Variants in SLC12A7 observed in about 807,000 individuals in gnomAD.
The protein encoded by SLC12A7 is solute carrier family 12 member 7, also known as K-Cl cotransporter 4.
A neutral mutation model predicts 120.6 loss-of-function variants in SLC12A7; 100 were observed. The observed-to-expected ratio is 0.83, with a 90% CI of 0.71 to 0.98. The LOEUF (loss-of-function observed/expected upper bound fraction) is 0.98. Among genes scored for constraint, SLC12A7 ranks in the 50% least tolerant of loss-of-function variants. SLC12A7 has a pLI of 0.00. For synonymous variants in SLC12A7, 760 were observed against 678.0 expected (o/e 1.12, Z -1.88); for missense variants, 1,373 against 1,548.1 (o/e 0.89, Z 1.90).
At chr5:1,103,428 C>T (rs1742199433) in intron 1 of SLC12A7, among the ~76,000 whole-genome samples, 1 of 151,950 alleles carries the variant, frequency 6.6e-6, no homozygotes, top group Non-Finnish European at 1.5e-5. Context: ...AGAAAATATA[C>T]ACTCACATGC....
the SLC12A7 span, among the ~76,000 whole-genome samples, chr5:1,125,923 C>CAA: frequency 0.11 from 10,919 of 100,404 alleles, 629 homozygotes; most frequent in East Asian, 0.23. Context: ...GGCCCTGCCT[C>CAA]AAAAAAAAAA....
At chr5:1,087,552 C>T (rs188481131) in intron 5 of SLC12A7, among the ~76,000 whole-genome samples, 96 of 152,354 alleles carry the variant, frequency 6.3e-4, no homozygotes, top group African/African-American at 2.2e-3. Flanking sequence ...CTAATGGACG[C>T]GGCCATCGTG....
rs1278630599 is a variant in SLC12A7, at chr5:1,065,268, G to A, written c.2437+15C>T. The A allele has an allele frequency of 5.2e-6, 8 of 1,540,606 alleles. No individual in the cohort carries two copies. Among genetic ancestry groups the A allele is most frequent in the East Asian group, 2.3e-5 (1 of 42,984 alleles). ...GACGGTGAGGGGATGCCGAAGGGCC[G>A]CCAGCCATGCCTACCCACAAAGTTC... On this transcript the variant is annotated intron_variant, in intron 18 of 23. Transcript: ENST00000264930.
chr5:1,135,456 A>C, the SLC12A7 span, among the ~76,000 whole-genome samples: 1 of 152,160 alleles, frequency 6.6e-6, no homozygotes, highest in South Asian at 2.1e-4. Flanking sequence ...GCCCAGGTGC[A>C]GTCAACTGTG....
the SLC12A7 span, among the ~76,000 whole-genome samples, chr5:1,136,764 C>T: frequency 2.2e-5 from 3 of 139,526 alleles, no homozygotes; most frequent in Admixed American, 7.1e-5. Context: ...CGCAGGCACA[C>T]GTGTGCTCAG....
rs146173751 is a variant in SLC12A7, at chr5:1,099,565, C to T, written c.125-5317G>A. ...GTTCCGGCCAGGACACAGAATGAGC[C>T]ATGGTACCGACCTCCACAAAACTCG... On this transcript the variant is annotated intron_variant, in intron 1 of 23. Coordinates refer to ENST00000264930, the MANE Select transcript of SLC12A7 (RefSeq NM_006598.3). Among the ~76,000 whole-genome samples, 564 of 152,140 alleles carry T rather than the reference C, an allele frequency of 3.7e-3. 3 individuals are homozygous for T. The highest frequency in any genetic ancestry group is 0.013 in the African/African-American group (534 of 41,464).
rs555900198 is a variant in SLC12A7 at position 1,064,177 on chromosome 5, T to C, written c.2513A>G (p.Gln838Arg). 2.5e-6 allele frequency: 4 copies of C among 1,612,226 alleles called. No homozygotes were observed. The highest frequency in any genetic ancestry group is 1.3e-5 in the African/African-American group (1 of 74,916). ...GATGTGGCCCCCGCCGAAGCGCTCC[T>C]GGTTTTGCGGAAACGAGTCGACGTT... ...AKNVDSFPQN[Q>R]ERFGGGHIDV... The change falls in exon 19 of 24, where the codon CAG becomes CGG. Residue 838 changes from glutamine (Q) to arginine (R), a missense_variant. Gln to Arg is a conservative substitution (Grantham distance 43, BLOSUM62 1). Transcript: ENST00000264930.
Position 1,093,623 on chromosome 5 carries a change from C to G in SLC12A7, c.252G>C (p.Ser84=). Residue 84 remains serine (S), a synonymous_variant, in exon 3 of 24, where the codon TCG becomes TCC. Transcript: ENST00000264930. ...TGTAGTTGGCCAGCTTGTTGAGCAG[C>G]GAGGACACCATGGGGTTACTGTCCA... The part of the protein sequence containing the change: ...EEMDSNPMVS[S]LLNKLANYTN... 2 of 1,613,130 alleles carry G rather than the reference C, an allele frequency of 1.2e-6. No individual in the cohort carries two copies. Among genetic ancestry groups the G allele is most frequent in the Non-Finnish European group, 1.7e-6 (2 of 1,179,872 alleles).
rs746537535 is a variant in SLC12A7, at chr5:1,076,729, G to A, written c.1713C>T (p.Ile571=). Residue 571 remains isoleucine (I), a synonymous_variant, in exon 13 of 24, where the codon ATC becomes ATT. Coordinates refer to ENST00000264930, the MANE Select transcript of SLC12A7 (RefSeq NM_006598.3). ...TVLICETGIL[I]ASLDSVAPIL... ...TCGGGGCCACGCTGTCCAGAGAGGC[G>A]ATGAGGATGCCAGTCTCGCAGATGA... The A allele has an allele frequency of 2.0e-5, 32 of 1,611,504 alleles. No homozygotes were observed. The highest frequency in any genetic ancestry group is 3.3e-4 in the Middle Eastern group (2 of 5,980).
At position 1,093,410 on chromosome 5, in the gene SLC12A7, A is replaced by G. The variant is rs147049020; in HGVS notation, c.342+123T>C. ...AGCCCTCCCAGGAAGAAAGGGCTGG[A>G]CGTGGCCATGATACCAGAGCTCAGG... On this transcript the variant is annotated intron_variant, in intron 3 of 23. Transcript: ENST00000264930. 6,484 of 974,984 alleles carry G rather than the reference A, an allele frequency of 6.7e-3. 34 individuals carry two copies. The highest frequency in any genetic ancestry group is 0.013 in the Middle Eastern group (40 of 3,154). 60.4% of individuals were successfully genotyped at this position (974,984 alleles called of 1,614,324 possible).
At chr5:1,093,411 C>G (rs969046233) in intron 3 of SLC12A7, 122 bp downstream of exon 3, 7 of 989,924 alleles carry the variant, frequency 7.1e-6, no homozygotes, top group Non-Finnish European at 8.9e-6. Context: ...AAGGGCTGGA[C>G]GTGGCCATGA....
chr5:1,140,907 T>G, the SLC12A7 span, among the ~76,000 whole-genome samples: 1 of 152,180 alleles, frequency 6.6e-6, no homozygotes, highest in Non-Finnish European at 1.5e-5. Flanking sequence ...AGGCTCAGCA[T>G]GAGGCAGAGC....
At chr5:1,130,686 C>T in the SLC12A7 span, among the ~76,000 whole-genome samples, 1 of 152,202 alleles carries the variant, frequency 6.6e-6, no homozygotes, top group Admixed American at 6.5e-5. Context: ...CTGTGCCTGC[C>T]CAGAGGGAGC....
At position 1,094,376 on chromosome 5, in the gene SLC12A7, G is replaced by T. The variant is rs143324383; in HGVS notation, c.125-128C>A. 2.5e-3 allele frequency: 1,730 copies of T among 704,168 alleles called. 19 individuals are homozygous for T. The highest frequency in any genetic ancestry group is 0.012 in the South Asian group (755 of 64,318). The allele number at this position is 704,168 out of a possible 1,614,324, so 43.6% of individuals were successfully genotyped here. Reference sequence around the variant, plus strand: ...TGTCACCTCTAAACCATGGCTAAGGGTGATACTTCTCACACACTCTCCTTC... The same window carrying T: ...TGTCACCTCTAAACCATGGCTAAGGTTGATACTTCTCACACACTCTCCTTC... On this transcript the variant is annotated intron_variant, in intron 1 of 23. Coordinates refer to ENST00000264930, the MANE Select transcript of SLC12A7 (RefSeq NM_006598.3).
chr5:1,139,645 G>T, the SLC12A7 span, among the ~76,000 whole-genome samples: 7 of 152,232 alleles, frequency 4.6e-5, no homozygotes, highest in African/African-American at 1.7e-4. Flanking sequence ...TCCTCTGTAG[G>T]CGTCCGCACA....
chr5:1,145,525 C>CA, the SLC12A7 span, among the ~76,000 whole-genome samples: 2 of 152,356 alleles, frequency 1.3e-5, no homozygotes, highest in East Asian at 3.9e-4. The surrounding 1 kb of genome is among the most constrained non-coding windows in gnomAD (Gnocchi z 4.4). Flanking sequence ...CAGAGGCTGC[C>CA]AGCCCCTTCA....
chr5:1,114,744 G>C (rs1743248811), upstream of SLC12A7, among the ~76,000 whole-genome samples: 1 of 152,102 alleles, frequency 6.6e-6, no homozygotes, highest in East Asian at 1.9e-4. Flanking sequence ...TCCGGGTCCA[G>C]TCCCCTGGCA....
rs1369150146 is a variant in SLC12A7 at position 1,057,692 on chromosome 5, T to A, written c.2848-43A>T. ...TGGTGAGACCAGCCGGTCTCAAAACTCCTCTGGGCGAGAGCGACCCGGGAT... is the reference window on the plus strand; with the variant it reads ...TGGTGAGACCAGCCGGTCTCAAAACACCTCTGGGCGAGAGCGACCCGGGAT... On this transcript the variant is annotated intron_variant, in intron 21 of 23. Transcript: ENST00000264930. 3 of 1,554,242 alleles carry A rather than the reference T, an allele frequency of 1.9e-6. No homozygotes were observed. In the South Asian group the frequency reaches 3.5e-5, roughly 18 times the overall value.
At chr5:1,114,296 G>A (rs1006362440), upstream of SLC12A7, among the ~76,000 whole-genome samples, 1 of 152,284 alleles carries the variant, frequency 6.6e-6, no homozygotes, top group Admixed American at 6.5e-5. Context: ...TTACTTGTGG[G>A]AGACCTCGGG....
Sources: allele counts gnomAD v4.1 joint callset (sites outside exome capture counted in the v4.1 genomes callset), GRCh38; gene constraint gnomAD v4.1.1; non-coding constraint Gnocchi (gnomAD v3.1); transcripts MANE v1.5; gene names NCBI Gene and HGNC (gene_info 2026-07-23, HGNC 2026-07-21).